The following R3HCC1L variants were observed in gnomAD, a reference collection of about 807,000 sequenced individuals.
R3HCC1L encodes R3H domain and coiled-coil containing 1 like.
A neutral mutation model predicts 59.9 loss-of-function variants in R3HCC1L; 51 were observed. The ratio of observed to expected loss-of-function variants is 0.85; its 90% CI spans 0.68 to 1.07. The LOEUF (loss-of-function observed/expected upper bound fraction) is 1.07, where lower values mean the gene tolerates loss of function less well. Among genes scored for constraint, R3HCC1L ranks in the 50% least tolerant of loss-of-function variants. R3HCC1L has a pLI of 0.00. For synonymous variants in R3HCC1L, 322 were observed against 315.2 expected (o/e 1.02, Z -0.23); for missense variants, 965 against 933.0 (o/e 1.03, Z -0.45).
chr10:98,151,188 C>G (rs1398675959), intron 1 of R3HCC1L, among the ~76,000 whole-genome samples: 6 of 152,126 alleles, frequency 3.9e-5, no homozygotes, highest in Non-Finnish European at 8.8e-5. Context: ...TTGAGTGAAG[C>G]CAGCTTGCTT....
chr10:98,211,529 C>G (rs748720004), intron 5 of R3HCC1L, among the ~76,000 whole-genome samples: 1 of 152,094 alleles, frequency 6.6e-6, no homozygotes, highest in Non-Finnish European at 1.5e-5. Context: ...TGAGAGAAGG[C>G]TTTAGTCTGA....
chr10:98,197,213 C>A (rs1416360353), intron 4 of R3HCC1L, among the ~76,000 whole-genome samples: 2 of 152,010 alleles, frequency 1.3e-5, no homozygotes, highest in African/African-American at 2.4e-5. Context: ...CCATGCCCCC[C>A]CCTCCACCCC....
chr10:98,214,815 A>G (rs1853980445), intron 5 of R3HCC1L, among the ~76,000 whole-genome samples: 2 of 152,186 alleles, frequency 1.3e-5, no homozygotes, highest in African/African-American at 2.4e-5. Context: ...TCATTTTTTA[A>G]AAGTGGAATG....
rs754950643 is a variant in R3HCC1L, at chr10:98,208,482, A to T, written c.368A>T (p.Gln123Leu). ...GAAGTATTATCCCAAGGACAACAGCAGGGAGCCCCAAATGCTGGGGTTATA... is the reference window on the plus strand; with the variant it reads ...GAAGTATTATCCCAAGGACAACAGCTGGGAGCCCCAAATGCTGGGGTTATA... Reference protein sequence around the residue: ...SKEVLSQGQQQGAPNAGVITN... With the variant: ...SKEVLSQGQQLGAPNAGVITN... The change falls in exon 5 of 10, where the codon CAG (glutamine) becomes CTG (leucine). Residue 123 changes from glutamine (Q) to leucine (L), a missense_variant. By Grantham distance (113) the Gln-to-Leu change is moderately radical. Coordinates refer to ENST00000298999, the MANE Select transcript of R3HCC1L (RefSeq NM_001351015.2). 1.2e-5 allele frequency: 20 copies of T among 1,614,090 alleles called. No homozygotes were observed. The Admixed American group carries it at 1.5e-4, about 12-fold the overall frequency.
intron 4 of R3HCC1L, among the ~76,000 whole-genome samples, chr10:98,182,343 G>A (rs1849725995): frequency 3.3e-5 from 5 of 152,240 alleles, no homozygotes; most frequent in Admixed American, 2.6e-4. Context: ...TATCACCATC[G>A]GAGGCTGCAG....
intron 4 of R3HCC1L, among the ~76,000 whole-genome samples, chr10:98,183,949 C>T (rs112441781): frequency 0.013 from 1,606 of 124,974 alleles, 42 homozygotes; most frequent in African/African-American, 0.045. Flanking sequence ...TTTCTTTGCT[C>T]CTTTTTCGGT....
chr10:98,167,451 A>G (rs1848066805), intron 4 of R3HCC1L, among the ~76,000 whole-genome samples: 1 of 152,174 alleles, frequency 6.6e-6, no homozygotes, highest in Non-Finnish European at 1.5e-5. Flanking sequence ...TATTTCTCTA[A>G]CAGACAGACT....
intron 1 of R3HCC1L, among the ~76,000 whole-genome samples, chr10:98,137,245 G>A (rs1162359957): frequency 1.3e-5 from 2 of 152,080 alleles, no homozygotes; most frequent in Admixed American, 1.3e-4. Context: ...TTTGGATTTC[G>A]GATTTTCCGA....
intron 1 of R3HCC1L, among the ~76,000 whole-genome samples, chr10:98,150,719 G>A (rs767893296): frequency 1.3e-5 from 2 of 152,138 alleles, no homozygotes; most frequent in African/African-American, 2.4e-5. Flanking sequence ...ACCTCCTACA[G>A]CGTGGTGCTG....
intron 1 of R3HCC1L, among the ~76,000 whole-genome samples, chr10:98,151,917 TCC>T (rs1846199610): frequency 6.6e-6 from 1 of 152,054 alleles, no homozygotes; most frequent in African/African-American, 2.4e-5. Flanking sequence ...TCTCTCTCTC[TCC>T]CTCTCCCTCT....
chr10:98,166,950 C>T (rs139300901), intron 4 of R3HCC1L, among the ~76,000 whole-genome samples: 1 of 152,254 alleles, frequency 6.6e-6, no homozygotes, highest in East Asian at 1.9e-4. Context: ...CAGGCGTGAG[C>T]CACCGCGCCT....
At chr10:98,136,370 T>C (rs1418422156) in intron 1 of R3HCC1L, among the ~76,000 whole-genome samples, 1 of 152,194 alleles carries the variant, frequency 6.6e-6, no homozygotes, top group Non-Finnish European at 1.5e-5. Flanking sequence ...AGTATCCTTA[T>C]CTGAAATGCT....
At chr10:98,183,227 C>T (rs1402198340) in intron 4 of R3HCC1L, among the ~76,000 whole-genome samples, 1 of 152,030 alleles carries the variant, frequency 6.6e-6, no homozygotes, top group African/African-American at 2.4e-5. Flanking sequence ...AATATATTTT[C>T]ATGGATATAG....
Position 98,163,326 on chromosome 10 carries a change from GT to G in R3HCC1L, c.-83del. The G allele has an allele frequency of 2.8e-6, 3 of 1,068,216 alleles. No individual in the cohort carries two copies. The highest frequency in any genetic ancestry group is 1.2e-6 in the Non-Finnish European group (1 of 800,908). 66.2% of individuals were successfully genotyped at this position (1,068,216 alleles called of 1,614,324 possible). On this transcript the variant is annotated 5_prime_UTR_variant, in exon 4 of 10. Coordinates refer to ENST00000298999, the MANE Select transcript of R3HCC1L (RefSeq NM_001351015.2). ...GCTGTCAGAAAGGAACTTTTACACAGTTTGCCTTCAGAGACAGTCTATCGGC... is the reference window on the plus strand; with the variant it reads ...GCTGTCAGAAAGGAACTTTTACACAGTTGCCTTCAGAGACAGTCTATCGGC...
intron 4 of R3HCC1L, among the ~76,000 whole-genome samples, chr10:98,195,902 A>G (rs1851382177): frequency 6.6e-6 from 1 of 152,234 alleles, no homozygotes; most frequent in South Asian, 2.1e-4. Context: ...GAGTTTATTT[A>G]AATATGTGTT....
chr10:98,146,405 C>T (rs1327485728), intron 1 of R3HCC1L, among the ~76,000 whole-genome samples: 1 of 152,134 alleles, frequency 6.6e-6, no homozygotes, highest in Non-Finnish European at 1.5e-5. Context: ...AACACTAGGT[C>T]GTATTTCTTC....
At chr10:98,241,399 G>A (rs896032316) in intron 9 of R3HCC1L, among the ~76,000 whole-genome samples, 3 of 151,960 alleles carry the variant, frequency 2.0e-5, no homozygotes, top group African/African-American at 7.3e-5. Flanking sequence ...AGTCTTGACT[G>A]CACCGTGATT....
intron 5 of R3HCC1L, among the ~76,000 whole-genome samples, chr10:98,220,720 A>G (rs1445029912): frequency 6.6e-6 from 1 of 151,554 alleles, no homozygotes; most frequent in Admixed American, 6.6e-5. Context: ...ATCATTTTTT[A>G]TGGCTGCATA....
At chr10:98,158,568 T>C (rs1038650089) in intron 2 of R3HCC1L, among the ~76,000 whole-genome samples, 2 of 152,140 alleles carry the variant, frequency 1.3e-5, no homozygotes, top group Admixed American at 1.3e-4. Flanking sequence ...TATACCTAAA[T>C]AGTTAAGTGT....
Sources: gnomAD v4.1 joint callset for allele counts (sites outside exome capture counted in the v4.1 genomes callset) on GRCh38, gnomAD v4.1.1 for gene constraint, MANE v1.5 for transcripts, NCBI Gene and HGNC (gene_info 2026-07-23, HGNC 2026-07-21) for gene names.